FANCB: variants seen among roughly 807,000 people sequenced by gnomAD.
FANCB encodes the protein Fanconi anemia group B protein.
FANCB carries 5 observed loss-of-function variants against 38.9 expected under a neutral mutation model. The observed-to-expected ratio is 0.13, with a 90% confidence interval of 0.07 to 0.27. The LOEUF is 0.27. FANCB is among the 10% of genes least tolerant of loss of function. The probability of loss-of-function intolerance (pLI) is 1.00; values close to 1 mark genes in which losing one functional copy is unlikely to be tolerated. For missense variants in FANCB, 573 were observed against 602.7 expected (o/e 0.95, Z 0.52); for synonymous variants, 236 against 215.4 (o/e 1.10, Z -0.84).
the FANCB span, among the ~76,000 whole-genome samples, chrX:14,718,904 G>T: frequency 2.7e-5 from 3 of 111,784 alleles, no homozygotes; most frequent in Non-Finnish European, 5.6e-5. Flanking sequence ...ACATAAGCCT[G>T]CCCAGATTCA....
At chrX:14,775,410 C>T in the FANCB span, among the ~76,000 whole-genome samples, 7 of 111,510 alleles carry the variant, frequency 6.3e-5, no homozygotes, top group East Asian at 1.1e-3. Context: ...GAAGGTGTTG[C>T]GAAGGCAGGC....
At chrX:14,864,405 C>G (rs755495966) in intron 3 of FANCB, among the ~76,000 whole-genome samples, 155 bp downstream of exon 3, 2 of 111,088 alleles carry the variant, frequency 1.8e-5, no homozygotes, top group African/African-American at 6.5e-5. Flanking sequence ...CTCAGATAAC[C>G]TTAAGAAAAA....
At chrX:14,765,726 G>T in the FANCB span, among the ~76,000 whole-genome samples, 3 of 112,059 alleles carry the variant, frequency 2.7e-5, no homozygotes, top group African/African-American at 9.7e-5. Context: ...CTGATGACAG[G>T]CAAGTGATGT....
At chrX:14,720,529 G>A in the FANCB span, among the ~76,000 whole-genome samples, 3 of 111,310 alleles carry the variant, frequency 2.7e-5, no homozygotes, top group African/African-American at 9.8e-5. Context: ...TTCAAAAATA[G>A]GGGGAACAAG....
the FANCB span, among the ~76,000 whole-genome samples, chrX:14,814,716 T>C: frequency 5.3e-5 from 6 of 112,265 alleles, no homozygotes; most frequent in South Asian, 2.2e-3. Context: ...TTTTACACTG[T>C]TGGTGGGAAC....
At chrX:14,827,372 T>C in the FANCB span, among the ~76,000 whole-genome samples, 15 of 112,399 alleles carry the variant, frequency 1.3e-4, no homozygotes, top group Non-Finnish European at 1.1e-4. Context: ...TATATATTAC[T>C]ATTTTAAAGC....
Position 14,843,939 on chromosome X carries a change from T to C in FANCB, c.2208A>G (p.Arg736=). 1 of 1,201,997 alleles carries C rather than the reference T, an allele frequency of 8.3e-7. No homozygotes were observed. The highest frequency in any genetic ancestry group is 1.1e-6 in the Non-Finnish European group (1 of 888,326). The change falls in exon 10 of 10, where the codon AGA becomes AGG. Residue 736 remains arginine, a synonymous_variant. Coordinates refer to ENST00000650831, the MANE Select transcript of FANCB (RefSeq NM_001018113.3). Reference sequence around the variant, plus strand: ...TGAGGAAACAGTTTATAGGGAGAATTCTGATGAGATTATGAAGGCACTGGA... The same window carrying C: ...TGAGGAAACAGTTTATAGGGAGAATCCTGATGAGATTATGAAGGCACTGGA... The part of the protein sequence containing the change: ...VMFQCLHNLI[R]ILPINCFLKN...
the FANCB span, among the ~76,000 whole-genome samples, chrX:14,768,535 G>T: frequency 8.9e-6 from 1 of 111,959 alleles, no homozygotes; most frequent in African/African-American, 3.2e-5. Flanking sequence ...TGCTGAAGTT[G>T]CTTAACAGCT....
At chrX:14,708,029 A>G in the FANCB span, among the ~76,000 whole-genome samples, 1 of 108,448 alleles carries the variant, frequency 9.2e-6, no homozygotes, top group Non-Finnish European at 1.9e-5. Flanking sequence ...TCATGAGAAC[A>G]CTAAAGATCT....
chrX:14,814,163 C>T, the FANCB span, among the ~76,000 whole-genome samples: 2 of 111,357 alleles, frequency 1.8e-5, no homozygotes, highest in African/African-American at 6.5e-5. Flanking sequence ...ACACCTTATA[C>T]AAAAATTAAT....
chrX:14,768,563 G>C, the FANCB span, among the ~76,000 whole-genome samples: 1 of 111,737 alleles, frequency 8.9e-6, no homozygotes, highest in African/African-American at 3.2e-5. Context: ...CTTTTGATTT[G>C]AGACATTGGG....
the FANCB span, among the ~76,000 whole-genome samples, chrX:14,812,860 C>A: frequency 7.3e-5 from 8 of 109,144 alleles, no homozygotes; most frequent in African/African-American, 2.0e-4. Context: ...GAGATACAAC[C>A]AAAAAAGAGA....
At chrX:14,730,213 G>C in the FANCB span, 1 of 1,199,345 alleles carries the variant, frequency 8.3e-7, no homozygotes, top group Non-Finnish European at 1.1e-6. Context: ...TCAGGAAGAA[G>C]ACGTTACTCG....
At chrX:14,846,654 G>T (rs888111988) in intron 7 of FANCB, among the ~76,000 whole-genome samples, 2 of 111,037 alleles carry the variant, frequency 1.8e-5, no homozygotes, top group Non-Finnish European at 3.8e-5. Context: ...TAAGTATTCT[G>T]TTAACAAAAA....
chrX:14,710,808 TCTTAA>T, the FANCB span, among the ~76,000 whole-genome samples: 1 of 111,782 alleles, frequency 8.9e-6, no homozygotes, highest in South Asian at 3.7e-4. Flanking sequence ...CTCTTAGACT[TCTTAA>T]CTTAGCAGTT....
chrX:14,847,787 C>G (rs867727057), intron 7 of FANCB, among the ~76,000 whole-genome samples: 31 of 110,180 alleles, frequency 2.8e-4, no homozygotes, highest in African/African-American at 8.2e-4. Context: ...AATTGAAGAT[C>G]AACAAAAAAT....
At chrX:14,711,735 C>T in the FANCB span, among the ~76,000 whole-genome samples, 3 of 112,504 alleles carry the variant, frequency 2.7e-5, no homozygotes, top group Non-Finnish European at 5.6e-5. Context: ...GACTGAGGCA[C>T]GTAGTAAGTG....
chrX:14,834,857 C>CT, downstream of FANCB: 1 of 590,369 alleles, frequency 1.7e-6, no homozygotes, highest in Non-Finnish European at 2.9e-6. Flanking sequence ...CAAGTTTTAC[C>CT]TTTTTCTGTG....
chrX:14,872,575 T>C lies in FANCB; in HGVS notation c.-192+411A>G, dbSNP rs990157997. On this transcript the variant is annotated intron_variant, in intron 1 of 9. Transcript: ENST00000650831. ...GAGCATCTCTTTTGCCCCCGGCCCC[T>C]AGCAGTGGTGACTAAAAATGTCTCC... Among the ~76,000 whole-genome samples, 298 of 104,594 alleles carry C rather than the reference T, an allele frequency of 2.8e-3. 1 individual carries two copies. The highest frequency in any genetic ancestry group is 9.3e-3 in the African/African-American group (265 of 28,576). The allele number at this position is 104,594 out of a possible 115,157, so 90.8% of individuals were successfully genotyped here.
Sources: gnomAD v4.1 joint callset for allele counts (sites outside exome capture counted in the v4.1 genomes callset) on GRCh38, gnomAD v4.1.1 for gene constraint, MANE v1.5 for transcripts, NCBI Gene and HGNC (gene_info 2026-07-23, HGNC 2026-07-21) for gene names.